STK17A: variants seen among roughly 807,000 people sequenced by gnomAD.
STK17A encodes serine/threonine kinase 17a.
A neutral mutation model predicts 43.7 loss-of-function variants in STK17A; 26 were observed. The observed-to-expected ratio is 0.60, with a 90% CI of 0.44 to 0.83. STK17A has a LOEUF of 0.83. STK17A is among the 40% of genes least tolerant of loss of function. The pLI is 0.00. For missense variants in STK17A, 476 were observed against 511.6 expected (o/e 0.93, Z 0.67); for synonymous variants, 191 against 182.5 (o/e 1.05, Z -0.38).
At position 43,623,809 on chromosome 7, in the gene STK17A, A is replaced by C; in HGVS notation, c.841A>C (p.Ser281Arg). The change falls in exon 6 of 7, where the codon AGT becomes CGT. Residue 281 changes from serine (S) to arginine (R), a missense_variant. Ser to Arg is a moderately radical substitution (Grantham distance 110). Transcript: ENST00000319357. ...CTTAAACATCTCACAGATGAATTTA[A>C]GTTATTCTGAGGAAGAATTTGATGT... ...TFLNISQMNL[S>R]YSEEEFDVLS... 6.2e-7 allele frequency: 1 copy of C among 1,605,880 alleles called. No homozygotes were observed. Among genetic ancestry groups the C allele is most frequent in the Non-Finnish European group, 8.5e-7 (1 of 1,177,700 alleles).
rs1278657638 is a variant in STK17A at position 43,610,638 on chromosome 7, G to C, written c.564+2238G>C. Among the ~76,000 whole-genome samples, 3 of 152,236 alleles carry C rather than the reference G, an allele frequency of 2.0e-5. No individual in the cohort carries two copies. In the East Asian group the frequency reaches 5.8e-4, roughly 29 times the overall value. On this transcript the variant is annotated intron_variant, in intron 3 of 6. Coordinates refer to ENST00000319357, the MANE Select transcript of STK17A (RefSeq NM_004760.3). ...GCTGAGATCACGCCATTGCACTCTAGCCTAGGCAACAGAGCGAGACTTCGT... is the reference window on the plus strand; with the variant it reads ...GCTGAGATCACGCCATTGCACTCTACCCTAGGCAACAGAGCGAGACTTCGT...
At chr7:43,623,365 T>C in intron 4 of STK17A, 1 of 527,582 alleles carries the variant, frequency 1.9e-6, no homozygotes, top group Non-Finnish European at 3.3e-6. Context: ...TCAACAATGG[T>C]GGGTAGAAGT....
chr7:43,624,950 C>G lies in STK17A; in HGVS notation c.*108C>G, dbSNP rs1189899477. 1.0e-6 allele frequency: 1 copy of G among 991,188 alleles called. No individual in the cohort carries two copies. Among genetic ancestry groups the G allele is most frequent in the Non-Finnish European group, 1.4e-6 (1 of 703,076 alleles). 61.4% of individuals were successfully genotyped at this position (991,188 alleles called of 1,614,324 possible). On this transcript the variant is annotated 3_prime_UTR_variant, in exon 7 of 7. Transcript: ENST00000319357. ...TACTGGAAGTGGATAACCAGTATCA[C>G]TTACACAAACAAAAATAACTTTGTC... is the stretch of plus-strand genomic sequence containing the variant.
At chr7:43,602,690 A>G (rs183460465) in intron 2 of STK17A, among the ~76,000 whole-genome samples, 8 of 152,254 alleles carry the variant, frequency 5.3e-5, no homozygotes, top group Non-Finnish European at 2.9e-5. Flanking sequence ...CCCCAGTTCC[A>G]TCAGCGTTAC....
rs1307179906 is a variant in STK17A at position 43,623,575 on chromosome 7, C to T, written c.695C>T (p.Pro232Leu). 1 of 1,608,334 alleles carries T rather than the reference C, an allele frequency of 6.2e-7. No individual in the cohort carries two copies. The highest frequency in any genetic ancestry group is 8.5e-7 in the Non-Finnish European group (1 of 1,178,338). Residue 232 changes from proline (P) to leucine (L), a missense_variant, in exon 5 of 7, where the codon CCT becomes CTT. By Grantham distance (98) the Pro-to-Leu change is moderately conservative. Around this residue, in one of 3 missense-constraint regions of STK17A, gnomAD observed 320 missense variants for 326.3 expected, o/e 0.98. Coordinates refer to ENST00000319357, the MANE Select transcript of STK17A (RefSeq NM_004760.3). ...TTTCTTCTCTTTCTGATACTAGCTC[C>T]TGAAATTCTTAGTTATGATCCTATA... ...EIMGTPEYVA[P>L]EILSYDPISM... is the part of the protein sequence containing the mutation.
chr7:43,614,801 A>G (rs1176548289), intron 3 of STK17A, among the ~76,000 whole-genome samples: 4 of 152,238 alleles, frequency 2.6e-5, no homozygotes, highest in African/African-American at 9.6e-5. Context: ...ATACAATAAG[A>G]TTTTAATAAT....
intron 6 of STK17A, 122 bp from the exon 7 acceptor site, chr7:43,624,396 C>A: frequency 1.1e-6 from 1 of 911,850 alleles, no homozygotes; most frequent in Non-Finnish European, 1.6e-6. Flanking sequence ...TCAGGAATCA[C>A]AGTAAGATTT....
At chr7:43,586,142 C>T (rs1222160884) in intron 1 of STK17A, among the ~76,000 whole-genome samples, 1 of 151,416 alleles carries the variant, frequency 6.6e-6, no homozygotes, top group Non-Finnish European at 1.5e-5. Flanking sequence ...GGAGAATACC[C>T]GTGTTAATAG....
At chr7:43,607,907 A>C (rs116858253) in intron 2 of STK17A, among the ~76,000 whole-genome samples, 2,013 of 152,320 alleles carry the variant, frequency 0.013, 20 homozygotes, top group Non-Finnish European at 0.021. Flanking sequence ...TGTACATTAC[A>C]TCGTGGTGCA....
At chr7:43,584,220 G>T (rs534863937) in intron 1 of STK17A, among the ~76,000 whole-genome samples, 72 of 152,260 alleles carry the variant, frequency 4.7e-4, no homozygotes, top group Non-Finnish European at 9.0e-4. Context: ...GAAGAGGGGT[G>T]ATCGAGTGAT....
At chr7:43,596,224 A>T in intron 2 of STK17A, 111 bp downstream of exon 2, 1 of 975,756 alleles carries the variant, frequency 1.0e-6, no homozygotes, top group Non-Finnish European at 1.4e-6. Flanking sequence ...AAATCTCAGA[A>T]TTTTCTAGAT....
At chr7:43,623,987 A>G (rs575569961) in intron 6 of STK17A, 99 bp downstream of exon 6, 1 of 818,628 alleles carries the variant, frequency 1.2e-6, no homozygotes, top group South Asian at 3.6e-5. Context: ...CCTCCAACCA[A>G]AAATAGTTCA....
chr7:43,615,983 C>T (rs1404212359), intron 3 of STK17A, among the ~76,000 whole-genome samples: 1 of 152,178 alleles, frequency 6.6e-6, no homozygotes, highest in Non-Finnish European at 1.5e-5. Flanking sequence ...GCTTTGAGTT[C>T]CCCATAGTGC....
At chr7:43,619,453 G>A (rs1006985890) in intron 3 of STK17A, 144 bp from the exon 4 acceptor site, 23 of 1,089,260 alleles carry the variant, frequency 2.1e-5, no homozygotes, top group Admixed American at 2.3e-5. Context: ...GCAATAAATT[G>A]TAAAAATATT....
In STK17A at chr7:43,598,769, G is replaced by GT. The variant is rs1008561153; in HGVS notation, c.419+2668dup. Among the ~76,000 whole-genome samples the GT allele has an allele frequency of 4.6e-3, 663 of 145,088 alleles. 2 individuals are homozygous for GT. The highest frequency in any genetic ancestry group is 0.012 in the African/African-American group (492 of 39,626). On this transcript the variant is annotated intron_variant, in intron 2 of 6. Coordinates refer to ENST00000319357, the MANE Select transcript of STK17A (RefSeq NM_004760.3). ...TTTTGTTGTTCTTTTTTGGTTTTTGGTTTTTTTTTTTTGAGACGGAGTCTT... is the reference window on the plus strand; with the variant it reads ...TTTTGTTGTTCTTTTTTGGTTTTTGGTTTTTTTTTTTTTGAGACGGAGTCTT...
intron 4 of STK17A, among the ~76,000 whole-genome samples, chr7:43,622,027 G>A (rs2083950101): frequency 1.3e-5 from 2 of 152,148 alleles, no homozygotes; most frequent in South Asian, 4.1e-4. Context: ...GCTAGTAATA[G>A]TACCGACCTC....
intron 3 of STK17A, among the ~76,000 whole-genome samples, chr7:43,614,482 T>C (rs2083168114): frequency 6.6e-6 from 1 of 152,260 alleles, no homozygotes; most frequent in African/African-American, 2.4e-5. Flanking sequence ...AGGACATGTA[T>C]TTCGGCTTAT....
At position 43,619,734 on chromosome 7, in the gene STK17A, A is replaced by G. The variant is rs1319499827; in HGVS notation, c.691+11A>G. 2.5e-6 allele frequency: 4 copies of G among 1,612,930 alleles called. No homozygotes were observed. In the East Asian group the frequency reaches 6.7e-5, roughly 27 times the overall value. ...CCCCTGAATATGTGGGTAAGTATTCATAAAAGTAGTTTTGTTCTGGGGTCA... is the reference window on the plus strand; with the variant it reads ...CCCCTGAATATGTGGGTAAGTATTCGTAAAAGTAGTTTTGTTCTGGGGTCA... On this transcript the variant is annotated intron_variant, in intron 4 of 6. Coordinates refer to ENST00000319357, the MANE Select transcript of STK17A (RefSeq NM_004760.3).
chr7:43,624,438 T>G (rs2084263548), intron 6 of STK17A, 80 bp from the exon 7 acceptor site: 2 of 1,329,098 alleles, frequency 1.5e-6, no homozygotes, highest in Non-Finnish European at 2.0e-6. Context: ...CAAAATATAA[T>G]GCAATAAATA....
Sources: gnomAD v4.1 joint callset for allele counts (sites outside exome capture counted in the v4.1 genomes callset) on GRCh38, gnomAD v4.1.1 for gene constraint, gnomAD v4.1.1 regional missense constraint, MANE v1.5 for transcripts, NCBI Gene and HGNC (gene_info 2026-07-23, HGNC 2026-07-21) for gene names.